COL4A4: variants seen among roughly 807,000 people sequenced by gnomAD.
COL4A4 encodes collagen type IV alpha 4 chain, also known as collagen alpha-4(IV) chain.
In COL4A4, 105 loss-of-function variants were observed where a neutral mutation model predicts 192.9. The observed-to-expected ratio is 0.54, with a 90% CI of 0.46 to 0.64. The LOEUF (loss-of-function observed/expected upper bound fraction) is 0.64. Among genes scored for constraint, COL4A4 ranks in the 30% least tolerant of loss-of-function variants. The pLI, the probability that COL4A4 is intolerant of heterozygous loss-of-function variation, is 0.00. For missense variants in COL4A4, 1,967 were observed against 2,169.3 expected (o/e 0.91, Z 1.85); for synonymous variants, 762 against 769.9 (o/e 0.99, Z 0.17).
chr2:226,982,156 G>C, the COL4A4 span, among the ~76,000 whole-genome samples: 2 of 152,366 alleles, frequency 1.3e-5, no homozygotes, highest in East Asian at 3.9e-4. Flanking sequence ...GGGCTGGGAG[G>C]TTCCCAGTGA....
intron 46 of COL4A4, among the ~76,000 whole-genome samples, chr2:227,009,937 T>G (rs866412095): frequency 6.6e-6 from 1 of 152,204 alleles, no homozygotes; most frequent in Admixed American, 6.5e-5. Context: ...CCATTTTACA[T>G]GTAAGTACAG....
intron 44 of COL4A4, among the ~76,000 whole-genome samples, chr2:227,021,153 C>G (rs1965936292): frequency 6.6e-6 from 1 of 152,054 alleles, no homozygotes; most frequent in East Asian, 1.9e-4. Context: ...AGGCGTGAGC[C>G]ACTGCGCCTG....
At position 227,111,717 on chromosome 2, in the gene COL4A4, C is replaced by A. The variant is rs776620738; in HGVS notation, c.559-4G>T. ...GTCCTGGGTCCCCTCTGTCTCCCTGCAAAAATAAGAATGCATTGCTTTAAG... is the reference window on the plus strand; with the variant it reads ...GTCCTGGGTCCCCTCTGTCTCCCTGAAAAAATAAGAATGCATTGCTTTAAG... On this transcript the variant is annotated splice_region_variant and splice_polypyrimidine_tract_variant and intron_variant, in intron 8 of 47. Coordinates refer to ENST00000396625, the MANE Select transcript of COL4A4 (RefSeq NM_000092.5). 6.2e-7 allele frequency: 1 copy of A among 1,613,822 alleles called. No individual in the cohort carries two copies. The highest frequency in any genetic ancestry group is 8.5e-7 in the Non-Finnish European group (1 of 1,179,812).
At chr2:227,028,424 G>A (rs1347966796) in intron 41 of COL4A4, among the ~76,000 whole-genome samples, 2 of 151,978 alleles carry the variant, frequency 1.3e-5, no homozygotes, top group Non-Finnish European at 2.9e-5. Flanking sequence ...TTCCTCATAC[G>A]TGATGTTCCT....
intron 34 of COL4A4, among the ~76,000 whole-genome samples, chr2:227,049,559 T>A (rs6436644): frequency 0.52 from 78,566 of 151,750 alleles, 20,470 homozygotes; most frequent in South Asian, 0.63. Context: ...ATAATAATAA[T>A]AAAAAACCCA....
chr2:227,133,756 G>A (rs1051227770), intron 4 of COL4A4, among the ~76,000 whole-genome samples: 1 of 152,180 alleles, frequency 6.6e-6, no homozygotes, highest in Admixed American at 6.5e-5. Context: ...GCCAAGTGCG[G>A]TGGGGGTGCC....
rs116557909 is a variant in COL4A4 at position 227,158,580 on chromosome 2, A to G, written c.-102+5427T>C. Among the ~76,000 whole-genome samples, 556 of 152,250 alleles carry G rather than the reference A, an allele frequency of 3.7e-3. 4 individuals are homozygous for G. Among genetic ancestry groups the G allele is most frequent in the African/African-American group, 0.012 (518 of 41,576 alleles). ...AATACTCACAATACTTGTATCTAAC[A>G]TTGATCTTGTATCCACAATATATAA... On this transcript the variant is annotated intron_variant, in intron 1 of 47. Coordinates refer to ENST00000396625, the MANE Select transcript of COL4A4 (RefSeq NM_000092.5).
intron 25 of COL4A4, among the ~76,000 whole-genome samples, chr2:227,071,754 A>G (rs1003936404): frequency 6.6e-6 from 1 of 152,164 alleles, no homozygotes; most frequent in Non-Finnish European, 1.5e-5. Context: ...AACCCTCAAA[A>G]TTATACAAAT....
intron 7 of COL4A4, 112 bp from the exon 8 acceptor site, chr2:227,114,808 A>G (rs2061405176): frequency 2.3e-6 from 2 of 862,504 alleles, no homozygotes; most frequent in Admixed American, 2.0e-5. Context: ...TATTGACATG[A>G]TTAACAAGAA....
At position 227,109,233 on chromosome 2, in the gene COL4A4, T is replaced by C; in HGVS notation, c.648A>G (p.Pro216=). 1 of 1,614,004 alleles carries C rather than the reference T, an allele frequency of 6.2e-7. No homozygotes were observed. The highest frequency in any genetic ancestry group is 8.5e-7 in the Non-Finnish European group (1 of 1,179,834). ...PAGPTGYPGE[P]GLVGPPGQPG... ...GCAGTGCTGTACTTACCACTAACCC[T>C]GGCTCTCCAGGATATCCTGTGGGAC... The change falls in exon 10 of 48, where the codon CCA becomes CCG. Residue 216 remains proline (P), a synonymous_variant. Transcript: ENST00000396625.
chr2:227,059,782 T>C (rs928182102), intron 27 of COL4A4, among the ~76,000 whole-genome samples, 159 bp from the exon 28 acceptor site: 1 of 152,174 alleles, frequency 6.6e-6, no homozygotes, highest in Non-Finnish European at 1.5e-5. Context: ...CCACCTTTTG[T>C]AGAGAGAGAA....
intron 37 of COL4A4, 89 bp downstream of exon 37, chr2:227,042,059 G>A (rs1165093958): frequency 3.6e-6 from 3 of 823,734 alleles, no homozygotes; most frequent in Middle Eastern, 2.2e-4. Context: ...CCAAGAGCAG[G>A]GTCACTCACT....
intron 16 of COL4A4, 55 bp from the exon 17 acceptor site, chr2:227,101,612 A>G (rs2060526949): frequency 6.6e-7 from 1 of 1,516,004 alleles, no homozygotes. Flanking sequence ...GTGACAAATT[A>G]TCTCATTCTC....
In COL4A4 at chr2:227,041,846, A is replaced by AAGAGAGAGAGAG. The variant is rs767450885; in HGVS notation, c.3505+301_3505+302insCTCTCTCTCTCT. On this transcript the variant is annotated intron_variant, in intron 37 of 47. Coordinates refer to ENST00000396625, the MANE Select transcript of COL4A4 (RefSeq NM_000092.5). ...AAAGAAAGAAAGAAAGAAAGAAAGA[A>AAGAGAGAGAGAG]AGAGAAAGAAAGAAAGAAAGAAAGA... is the stretch of plus-strand genomic sequence containing the variant. 3.6e-4 allele frequency among the ~76,000 whole-genome samples: 14 copies of AAGAGAGAGAGAG among 39,322 alleles called. 2 individuals are homozygous for AAGAGAGAGAGAG. Among genetic ancestry groups the AAGAGAGAGAGAG allele is most frequent in the African/African-American group, 6.8e-4 (5 of 7,376 alleles). 25.8% of individuals were successfully genotyped at this position (39,322 alleles called of 152,430 possible). A position where few individuals can be genotyped will look rare whatever the true frequency, so the allele number is the denominator to read the frequency against.
At position 227,032,075 on chromosome 2, in the gene COL4A4, CAT is replaced by C. The variant is rs751250869; in HGVS notation, c.3707-22_3707-21del. 3 of 1,613,854 alleles carry C rather than the reference CAT, an allele frequency of 1.9e-6. No individual in the cohort carries two copies. The highest frequency in any genetic ancestry group is 4.5e-5 in the East Asian group (2 of 44,874). On this transcript the variant is annotated intron_variant, in intron 39 of 47. Transcript: ENST00000396625. Reference sequence around the variant, plus strand: ...AACTCCCTAAGAAGAGACATGTTCACATGTTATCCTCATTGCATTTGGAAGGT... The same window carrying C: ...AACTCCCTAAGAAGAGACATGTTCACGTTATCCTCATTGCATTTGGAAGGT...
At position 227,002,992 on chromosome 2, in the gene COL4A4, T is replaced by G. The variant is rs1961350631; in HGVS notation, c.*4333A>C. 1 of 152,662 alleles carries G rather than the reference T, an allele frequency of 6.6e-6. No homozygotes were observed. The highest frequency in any genetic ancestry group is 1.5e-5 in the Non-Finnish European group (1 of 68,040). 9.5% of individuals were successfully genotyped at this position (152,662 alleles called of 1,614,324 possible). The stretch of plus-strand genomic sequence containing the variant: ...TGGTTTAAAATGCATTATGCAGAGT[T>G]TCTAGCAGATGATAACAGTGACAAT... On this transcript the variant is annotated 3_prime_UTR_variant, in exon 48 of 48. Coordinates refer to ENST00000396625, the MANE Select transcript of COL4A4 (RefSeq NM_000092.5).
intron 12 of COL4A4, among the ~76,000 whole-genome samples, chr2:227,107,732 G>A (rs191209479): frequency 1.5e-4 from 23 of 151,136 alleles, no homozygotes; most frequent in Middle Eastern, 6.9e-3. Flanking sequence ...GTTTCCAGGT[G>A]AGTTGCCTTC....
intron 42 of COL4A4, 123 bp from the exon 43 acceptor site, chr2:227,025,933 G>T: frequency 1.2e-6 from 1 of 857,544 alleles, no homozygotes; most frequent in Non-Finnish European, 1.9e-6. Context: ...ATAATTTGAG[G>T]CAGCATCAAT....
intron 27 of COL4A4, among the ~76,000 whole-genome samples, chr2:227,059,922 C>T (rs1286010014): frequency 2.0e-5 from 3 of 152,038 alleles, no homozygotes; most frequent in African/African-American, 7.2e-5. Context: ...ACTTATGCTT[C>T]AAGGTGTAAG....
Sources: allele counts gnomAD v4.1 joint callset (sites outside exome capture counted in the v4.1 genomes callset), GRCh38; gene constraint gnomAD v4.1.1; transcripts MANE v1.5; gene names NCBI Gene and HGNC (gene_info 2026-07-23, HGNC 2026-07-21).